MFAP5: variants seen among roughly 807,000 people sequenced by gnomAD.
MFAP5 encodes microfibrillar-associated protein 5.
Under a neutral mutation model 30.1 loss-of-function variants are expected in MFAP5, and 19 were observed. That is an observed-to-expected ratio of 0.63 (90% CI 0.44 to 0.93). The LOEUF (loss-of-function observed/expected upper bound fraction) is 0.93. MFAP5 is among the 40% of genes least tolerant of loss of function. MFAP5 has a pLI of 0.00. For missense variants in MFAP5, 210 were observed against 221.3 expected (o/e 0.95, Z 0.32); for synonymous variants, 92 against 72.9 (o/e 1.26, Z -1.33).
At position 8,655,698 on chromosome 12, in the gene MFAP5, A is replaced by T; in HGVS notation, c.139+88T>A. The T allele has an allele frequency of 3.4e-6, 5 of 1,475,232 alleles. No homozygotes were observed. The South Asian group carries it at 5.8e-5, about 17-fold the overall frequency. 91.4% of individuals were successfully genotyped at this position (1,475,232 alleles called of 1,614,324 possible). On this transcript the variant is annotated intron_variant, in intron 4 of 9. Coordinates refer to ENST00000359478, the MANE Select transcript of MFAP5 (RefSeq NM_003480.4). ...CTCAGAGCACCCTCCAACCCTTCTGAAGTCTTTATTTTTCTTTATGTAGAC... is the reference window on the plus strand; with the variant it reads ...CTCAGAGCACCCTCCAACCCTTCTGTAGTCTTTATTTTTCTTTATGTAGAC...
chr12:8,660,767 G>A, intron 3 of MFAP5, 96 bp downstream of exon 3: 2 of 877,714 alleles, frequency 2.3e-6, no homozygotes, highest in South Asian at 2.3e-5. Context: ...TTTTTTTTTG[G>A]CAGCGATAGA....
chr12:8,655,479 T>C (rs779718660), intron 4 of MFAP5, 32 bp from the exon 5 acceptor site: 8 of 1,597,812 alleles, frequency 5.0e-6, no homozygotes, highest in Non-Finnish European at 6.8e-6. Context: ...AATGAAAAAA[T>C]GCAGTCAGGA....
In MFAP5 at chr12:8,655,104, C is replaced by T. The variant is rs1591570600; in HGVS notation, c.172+311G>A. ...ACCAGCTCGGCCAACATGGTGAAAT[C>T]CCGTCTCTACTAAAAATACAAAAAT... On this transcript the variant is annotated intron_variant, in intron 5 of 9. Transcript: ENST00000359478. Among the ~76,000 whole-genome samples the T allele has an allele frequency of 3.9e-5, 6 of 152,104 alleles. No homozygotes were observed. In the South Asian group the frequency reaches 1.2e-3, roughly 32 times the overall value.
In MFAP5 at chr12:8,647,649, AGTT is replaced by A. The variant is rs1941719554; in HGVS notation, c.*439_*441del. 6.6e-6 allele frequency: 1 copy of A among 152,330 alleles called. No individual in the cohort carries two copies. The highest frequency in any genetic ancestry group is 2.4e-5 in the African/African-American group (1 of 41,446). 9.4% of individuals were successfully genotyped at this position (152,330 alleles called of 1,614,324 possible). ...AAAGAGGAACACGTGAATGATGGGG[AGTT>A]GGTCTAGGAAAATATTGTGAGGAAA... On this transcript the variant is annotated 3_prime_UTR_variant, in exon 10 of 10. Coordinates refer to ENST00000359478, the MANE Select transcript of MFAP5 (RefSeq NM_003480.4).
At chr12:8,656,416 A>T (rs112459223) in intron 3 of MFAP5, among the ~76,000 whole-genome samples, 30 of 91,874 alleles carry the variant, frequency 3.3e-4, no homozygotes, top group African/African-American at 6.0e-4. Flanking sequence ...GGTAGTATTG[A>T]TTTTTTTTTT....
chr12:8,649,389 GGGTA>G, intron 9 of MFAP5, 108 bp downstream of exon 9: 1 of 872,864 alleles, frequency 1.1e-6, no homozygotes. Flanking sequence ...GACTCTAAGG[GGGTA>G]GCCTGAAGCC....
intron 6 of MFAP5, among the ~76,000 whole-genome samples, chr12:8,652,635 T>C (rs973521667): frequency 1.3e-5 from 2 of 152,164 alleles, no homozygotes; most frequent in African/African-American, 4.8e-5. Flanking sequence ...CTAGGACCTG[T>C]GTTATGAGAT....
At chr12:8,653,531 C>T (rs1941898874) in intron 6 of MFAP5, among the ~76,000 whole-genome samples, 1 of 152,130 alleles carries the variant, frequency 6.6e-6, no homozygotes, top group Non-Finnish European at 1.5e-5. Context: ...ATATTGTTTT[C>T]CTTACCTAAA....
In MFAP5 at chr12:8,655,777, G is replaced by C. The variant is rs775567704; in HGVS notation, c.139+9C>G. 5.0e-6 allele frequency: 8 copies of C among 1,608,786 alleles called. No individual in the cohort carries two copies. In the South Asian group the frequency reaches 8.8e-5, roughly 18 times the overall value. On this transcript the variant is annotated intron_variant, in intron 4 of 9. Transcript: ENST00000359478. Reference sequence around the variant, plus strand: ...AGCAAACAAACAAACAAACAAAAGTGTAGCTTACTAGGATCTTCTGTGAAT... The same window carrying C: ...AGCAAACAAACAAACAAACAAAAGTCTAGCTTACTAGGATCTTCTGTGAAT...
Position 8,648,149 on chromosome 12 carries a change from T to C in MFAP5, c.464A>G (p.Asn155Ser), listed in dbSNP as rs1052807907. 4.3e-5 allele frequency: 69 copies of C among 1,613,894 alleles called. No individual in the cohort carries two copies. The highest frequency in any genetic ancestry group is 5.7e-5 in the Non-Finnish European group (67 of 1,179,946). The change falls in exon 10 of 10, where the codon AAT (asparagine) becomes AGT (serine). Residue 155 changes from asparagine (N) to serine (S), a missense_variant. Physicochemically the swap from Asn to Ser is conservative, Grantham distance 46. Transcript: ENST00000359478. Reference protein sequence around the residue: ...GLPPRRLRRSNYFRLPPCENV... With the variant: ...GLPPRRLRRSSYFRLPPCENV... ...TTCACAGGGAGGAAGTCGGAAGTAA[T>C]TGGAGCGACGGAGTCTCCTAGGGGG...
At chr12:8,656,672 T>A (rs61374494) in intron 3 of MFAP5, among the ~76,000 whole-genome samples, 10,550 of 132,226 alleles carry the variant, frequency 0.08, 699 homozygotes, top group East Asian at 0.18. Flanking sequence ...ATATATATTT[T>A]TTTTTTTTGA....
chr12:8,654,616 T>A, intron 5 of MFAP5, 135 bp from the exon 6 acceptor site: 1 of 686,850 alleles, frequency 1.5e-6, no homozygotes, highest in Non-Finnish European at 2.4e-6. Flanking sequence ...TATAAGGGAA[T>A]AGAATTAATT....
chr12:8,655,772 A>G lies in MFAP5; in HGVS notation c.139+14T>C, dbSNP rs112311404. The G allele has an allele frequency of 1.3e-6, 2 of 1,579,928 alleles. No homozygotes were observed. Among genetic ancestry groups the G allele is most frequent in the South Asian group, 2.2e-5 (2 of 90,404 alleles). On this transcript the variant is annotated intron_variant, in intron 4 of 9. Coordinates refer to ENST00000359478, the MANE Select transcript of MFAP5 (RefSeq NM_003480.4). ...AAAACAGCAAACAAACAAACAAACA[A>G]AAGTGTAGCTTACTAGGATCTTCTG...
In MFAP5 at chr12:8,650,407, A is replaced by G. The variant is rs143030915; in HGVS notation, c.335+95T>C. 4,078 of 1,263,874 alleles carry G rather than the reference A, an allele frequency of 3.2e-3. 12 individuals are homozygous for G. Among genetic ancestry groups the G allele is most frequent in the Non-Finnish European group, 4.4e-3 (3,814 of 872,142 alleles). 78.3% of individuals were successfully genotyped at this position (1,263,874 alleles called of 1,614,324 possible). A position where few individuals can be genotyped will look rare whatever the true frequency, so the allele number is the denominator to read the frequency against. On this transcript the variant is annotated intron_variant, in intron 8 of 9. Transcript: ENST00000359478. ...TGTGCTAAAAACTTTGGCCCCATCA[A>G]AGTTTGCAATTCCATAGTGGGTGCT...
intron 6 of MFAP5, among the ~76,000 whole-genome samples, chr12:8,652,970 A>G (rs1941877644): frequency 1.3e-5 from 2 of 152,038 alleles, no homozygotes; most frequent in South Asian, 4.2e-4. Context: ...TGGTTGGATC[A>G]CCTGAGGTCA....
rs774309537 is a variant in MFAP5 at position 8,662,082 on chromosome 12, A to C, written c.23T>G (p.Val8Gly). Residue 8 changes from valine to glycine, a missense_variant, in exon 2 of 10, where the codon GTG becomes GGG. Coordinates refer to ENST00000359478, the MANE Select transcript of MFAP5 (RefSeq NM_003480.4). MSLLGPK[V>G]LLFLAAFIIT... ...GATGAATGCAGCAAGAAACAGCAGC[A>C]CCTTGGGTCCCAAGAGCGACATATC... The C allele has an allele frequency of 6.2e-7, 1 of 1,613,792 alleles. No homozygotes were observed. The highest frequency in any genetic ancestry group is 1.3e-5 in the African/African-American group (1 of 75,034).
intron 5 of MFAP5, 29 bp downstream of exon 5, chr12:8,655,385 CA>C (rs1393750623): frequency 5.3e-6 from 8 of 1,499,290 alleles, no homozygotes; most frequent in Non-Finnish European, 7.3e-6. Flanking sequence ...AGAACCATGC[CA>C]TTTTTTTTTT....
intron 5 of MFAP5, among the ~76,000 whole-genome samples, chr12:8,655,139 A>G (rs2136469944): frequency 6.6e-6 from 1 of 151,998 alleles, no homozygotes. Context: ...TTAGTCAGGC[A>G]TGGTGTCGGG....
Position 8,650,863 on chromosome 12 carries a change from G to A in MFAP5, c.248-274C>T, listed in dbSNP as rs142597189. On this transcript the variant is annotated intron_variant, in intron 7 of 9. Transcript: ENST00000359478. ...CTAGGAATAAAGTCTTTCTAGAATT[G>A]TCCGTTATGAAATATAAAATAGGCT... Among the ~76,000 whole-genome samples, 80 of 152,284 alleles carry A rather than the reference G, an allele frequency of 5.3e-4. 1 individual carries two copies. The East Asian group carries it at 6.8e-3, about 13-fold the overall frequency.
Sources: allele counts gnomAD v4.1 joint callset (sites outside exome capture counted in the v4.1 genomes callset), GRCh38; gene constraint gnomAD v4.1.1; transcripts MANE v1.5; gene names NCBI Gene and HGNC (gene_info 2026-07-23, HGNC 2026-07-21).